Variants in RAB5C observed in about 807,000 individuals in gnomAD.
RAB5C encodes RAB5C, member RAS oncogene family, also known as ras-related protein Rab-5C.
A neutral mutation model predicts 25.2 loss-of-function variants in RAB5C; 4 were observed. The ratio of observed to expected loss-of-function variants is 0.16; its 90% CI spans 0.08 to 0.36. The LOEUF is 0.36. RAB5C is among the 10% of genes least tolerant of loss of function. The pLI is 1.00. For missense variants in RAB5C, 199 were observed against 283.8 expected (o/e 0.70, Z 2.15); for synonymous variants, 100 against 106.4 (o/e 0.94, Z 0.37).
intron 1 of RAB5C, among the ~76,000 whole-genome samples, chr17:42,150,805 G>A (rs539370411): frequency 1.3e-5 from 2 of 152,080 alleles, no homozygotes; most frequent in Non-Finnish European, 2.9e-5. Context: ...ACAGGAGGCG[G>A]AGGTTGCAGT....
At chr17:42,145,098 G>A (rs868619323) in intron 1 of RAB5C, among the ~76,000 whole-genome samples, 1 of 151,656 alleles carries the variant, frequency 6.6e-6, no homozygotes, top group Non-Finnish European at 1.5e-5. Context: ...GCGTGAACCC[G>A]GGAGGCGGAG....
At chr17:42,149,876 G>GTTTT (rs925280473) in intron 1 of RAB5C, among the ~76,000 whole-genome samples, 8 of 121,164 alleles carry the variant, frequency 6.6e-5, no homozygotes, top group Non-Finnish European at 6.8e-5. Flanking sequence ...GCCCAGGCTG[G>GTTTT]TTTTTTTTTT....
chr17:42,150,506 T>C (rs975644185), intron 1 of RAB5C, among the ~76,000 whole-genome samples: 1 of 108,748 alleles, frequency 9.2e-6, no homozygotes, highest in Non-Finnish European at 1.7e-5. Flanking sequence ...ATCACGCCAT[T>C]GCACTCCAGC....
At chr17:42,143,842 G>C (rs1158016774) in intron 1 of RAB5C, among the ~76,000 whole-genome samples, 2 of 152,086 alleles carry the variant, frequency 1.3e-5, no homozygotes, top group African/African-American at 4.8e-5. Context: ...CTGGGGTGCA[G>C]TGGCAGGATC....
chr17:42,147,144 A>AAGAGAGAG (rs572493429), intron 1 of RAB5C, among the ~76,000 whole-genome samples: 24 of 99,620 alleles, frequency 2.4e-4, no homozygotes, highest in African/African-American at 8.7e-4. Flanking sequence ...GAAAGAAAGA[A>AAGAGAGAG]AGAGAGAGAG....
chr17:42,146,666 T>C (rs2079636817), intron 1 of RAB5C, among the ~76,000 whole-genome samples: 1 of 147,728 alleles, frequency 6.8e-6, no homozygotes. Context: ...GGAGAATCAC[T>C]TGAACCCAGG....
At chr17:42,139,065 C>T (rs937993522) in intron 1 of RAB5C, among the ~76,000 whole-genome samples, 1 of 152,226 alleles carries the variant, frequency 6.6e-6, no homozygotes, top group African/African-American at 2.4e-5. Context: ...TGGAGAGGCT[C>T]AGAGAGGAGC....
intron 1 of RAB5C, among the ~76,000 whole-genome samples, chr17:42,147,148 G>A (rs67549123): frequency 3.7e-4 from 27 of 72,094 alleles, no homozygotes; most frequent in Middle Eastern, 6.3e-3. Flanking sequence ...GAAAGAAAGA[G>A]AGAGAGAGAG....
At chr17:42,138,829 G>A (rs866875239) in intron 1 of RAB5C, among the ~76,000 whole-genome samples, 1 of 152,206 alleles carries the variant, frequency 6.6e-6, no homozygotes, top group Admixed American at 6.5e-5. Flanking sequence ...ACTGAGCCTG[G>A]AACTTTGCTG....
intron 3 of RAB5C, 53 bp from the exon 4 acceptor site, chr17:42,128,436 G>A: frequency 6.4e-7 from 1 of 1,570,518 alleles, no homozygotes; most frequent in Non-Finnish European, 8.7e-7. Context: ...TTCTGCCCAG[G>A]GCCACCCATT....
chr17:42,148,403 C>CAAAAAA (rs71228786), intron 1 of RAB5C, among the ~76,000 whole-genome samples: 24 of 57,356 alleles, frequency 4.2e-4, no homozygotes, highest in African/African-American at 9.2e-4. Context: ...GACTCCATCT[C>CAAAAAA]AAAAAAAAAA....
intron 1 of RAB5C, among the ~76,000 whole-genome samples, chr17:42,136,067 A>G (rs1407235898): frequency 1.3e-5 from 2 of 152,240 alleles, no homozygotes; most frequent in Admixed American, 1.3e-4. Context: ...TATTTAAACA[A>G]GAGTCCAGCA....
chr17:42,131,490 CA>C, intron 1 of RAB5C: 1 of 1,038,994 alleles, frequency 9.6e-7, no homozygotes, highest in Non-Finnish European at 1.4e-6. Flanking sequence ...AAATACACAC[CA>C]AAACAGACAC....
At chr17:42,145,799 C>A (rs2079631802) in intron 1 of RAB5C, among the ~76,000 whole-genome samples, 2 of 152,146 alleles carry the variant, frequency 1.3e-5, no homozygotes, top group Non-Finnish European at 2.9e-5. Context: ...AAGAGATTCT[C>A]TTTATTTTTT....
At chr17:42,128,540 C>T in intron 3 of RAB5C, 109 bp downstream of exon 3, 8 of 472,540 alleles carry the variant, frequency 1.7e-5, no homozygotes, top group South Asian at 4.4e-5. Flanking sequence ...TGCCCACCCC[C>T]CACCCAGGAA....
intron 1 of RAB5C, among the ~76,000 whole-genome samples, chr17:42,147,997 C>G (rs1203256199): frequency 6.6e-6 from 1 of 152,140 alleles, no homozygotes; most frequent in African/African-American, 2.4e-5. Context: ...ACTTGGGAAG[C>G]TGAGGCAGGA....
intron 1 of RAB5C, chr17:42,137,708 G>GA (rs1259073196): frequency 1.1e-4 from 16 of 152,272 alleles, no homozygotes; most frequent in African/African-American, 3.4e-4. Context: ...CCAACATGGT[G>GA]AAACCCCGTC....
At chr17:42,131,535 A>AAACAAACACACACT in intron 1 of RAB5C, 1 of 1,412,822 alleles carries the variant, frequency 7.1e-7, no homozygotes, top group African/African-American at 1.4e-5. Context: ...AAACACACAC[A>AAACAAACACACACT]GAAACACACA....
At chr17:42,149,876 G>GTT (rs925280473) in intron 1 of RAB5C, among the ~76,000 whole-genome samples, 1,667 of 121,136 alleles carry the variant, frequency 0.014, 43 homozygotes, top group African/African-American at 0.026. Context: ...GCCCAGGCTG[G>GTT]TTTTTTTTTT....
Sources: gnomAD v4.1 joint callset for allele counts (sites outside exome capture counted in the v4.1 genomes callset) on GRCh38, gnomAD v4.1.1 for gene constraint, MANE v1.5 for transcripts, NCBI Gene and HGNC (gene_info 2026-07-23, HGNC 2026-07-21) for gene names.